Variants in GLRA1 observed in about 807,000 individuals in gnomAD.
The protein encoded by GLRA1 is glycine receptor alpha 1.
In GLRA1, 37 loss-of-function variants were observed where a neutral mutation model predicts 48.3. The ratio of observed to expected loss-of-function variants is 0.77; its 90% CI spans 0.59 to 1.01. GLRA1 has a LOEUF of 1.01. GLRA1 is among the 50% of genes least tolerant of loss of function. The pLI, the probability that GLRA1 is intolerant of heterozygous loss-of-function variation, is 0.00. For synonymous variants in GLRA1, 196 were observed against 210.7 expected, an observed-to-expected ratio of 0.93 and a Z score of 0.60; for missense variants, 427 against 571.0, an observed-to-expected ratio of 0.75 and a Z score of 2.57.
At chr5:151,848,223 C>T (rs898474861) in intron 7 of GLRA1, among the ~76,000 whole-genome samples, 1 of 152,202 alleles carries the variant, frequency 6.6e-6, no homozygotes, top group Admixed American at 6.5e-5. Flanking sequence ...ATTGTACAAA[C>T]AATCTGGTTC....
intron 1 of GLRA1, among the ~76,000 whole-genome samples, chr5:151,924,175 A>G (rs1479818270): frequency 1.3e-5 from 2 of 152,136 alleles, no homozygotes; most frequent in African/African-American, 2.4e-5. Context: ...GTGAAAGCCA[A>G]CATGCAGTGG....
chr5:151,897,706 A>C (rs1754257012), intron 1 of GLRA1, among the ~76,000 whole-genome samples: 1 of 152,198 alleles, frequency 6.6e-6, no homozygotes, highest in South Asian at 2.1e-4. Context: ...AGGACTATTT[A>C]GACACTCTTG....
chr5:151,906,489 T>C (rs538651084), intron 1 of GLRA1, among the ~76,000 whole-genome samples: 12 of 152,196 alleles, frequency 7.9e-5, no homozygotes, highest in African/African-American at 2.9e-4. Flanking sequence ...AAGGGAACAA[T>C]TGGGCTGGTA....
At chr5:151,848,785 C>G (rs1456032831) in intron 7 of GLRA1, 1 of 335,224 alleles carries the variant, frequency 3.0e-6, no homozygotes, top group South Asian at 4.4e-5. Context: ...AGTGTGTGAG[C>G]AGCACGGCGG....
chr5:151,828,281 T>A (rs1486889064), intron 8 of GLRA1, among the ~76,000 whole-genome samples: 1 of 152,198 alleles, frequency 6.6e-6, no homozygotes, highest in Non-Finnish European at 1.5e-5. Flanking sequence ...GGGAACTAGT[T>A]ATGGACCCAC....
At chr5:151,828,803 C>T in intron 8 of GLRA1, 118 bp downstream of exon 8, 9 of 1,070,664 alleles carry the variant, frequency 8.4e-6, no homozygotes, top group Non-Finnish European at 1.2e-5. Context: ...CTATTTCTAA[C>T]CTGCCTTGCA....
At chr5:151,892,173 A>G in intron 2 of GLRA1, 138 bp downstream of exon 2, 1 of 826,054 alleles carries the variant, frequency 1.2e-6, no homozygotes, top group Non-Finnish European at 2.0e-6. Flanking sequence ...GAATTGATTA[A>G]GAATGTCTGC....
At chr5:151,860,927 C>T (rs1341217312) in intron 3 of GLRA1, among the ~76,000 whole-genome samples, 1 of 152,140 alleles carries the variant, frequency 6.6e-6, no homozygotes, top group Non-Finnish European at 1.5e-5. Flanking sequence ...CTTTCTGTGT[C>T]CAAGTGTTCT....
At chr5:151,913,334 C>T (rs985326570) in intron 1 of GLRA1, among the ~76,000 whole-genome samples, 2 of 152,054 alleles carry the variant, frequency 1.3e-5, no homozygotes, top group East Asian at 3.9e-4. Context: ...GTCTTTTACA[C>T]CAGAGTGAGG....
At chr5:151,906,046 A>C (rs1001315746) in intron 1 of GLRA1, among the ~76,000 whole-genome samples, 3 of 152,164 alleles carry the variant, frequency 2.0e-5, no homozygotes, top group South Asian at 2.1e-4. Flanking sequence ...GGTGGACTCA[A>C]ATCTGATTCT....
intron 3 of GLRA1, among the ~76,000 whole-genome samples, chr5:151,870,595 G>A (rs1753451937): frequency 6.7e-6 from 1 of 149,782 alleles, no homozygotes; most frequent in Non-Finnish European, 1.5e-5. Context: ...GGACTGTTTT[G>A]TAAACATATG....
chr5:151,845,896 G>C (rs1362161898), intron 7 of GLRA1, among the ~76,000 whole-genome samples: 1 of 152,208 alleles, frequency 6.6e-6, no homozygotes, highest in Non-Finnish European at 1.5e-5. Flanking sequence ...ATGAAGTACT[G>C]ATGCATTCTA....
intron 4 of GLRA1, among the ~76,000 whole-genome samples, chr5:151,857,815 C>T (rs1741494222): frequency 6.6e-6 from 1 of 152,204 alleles, no homozygotes; most frequent in Admixed American, 6.5e-5. Context: ...ATCTGAGTGC[C>T]TGCTGCAGGG....
intron 8 of GLRA1, among the ~76,000 whole-genome samples, chr5:151,827,155 C>A (rs1469225371): frequency 6.7e-6 from 1 of 149,370 alleles, no homozygotes; most frequent in African/African-American, 2.5e-5. Context: ...GCCATCATGC[C>A]AGTTGCTTAA....
intron 7 of GLRA1, among the ~76,000 whole-genome samples, chr5:151,833,828 A>C (rs1181063850): frequency 2.1e-5 from 3 of 139,948 alleles, no homozygotes. Flanking sequence ...AGGGGTTGCA[A>C]TCCTAGTTTC....
At chr5:151,907,768 G>A (rs191834775) in intron 1 of GLRA1, among the ~76,000 whole-genome samples, 24 of 152,356 alleles carry the variant, frequency 1.6e-4, no homozygotes, top group Admixed American at 1.5e-3. Flanking sequence ...TTGGATTGCA[G>A]CCCCTGGGCA....
rs1391295984 is a variant in GLRA1, at chr5:151,854,937, G to A, written c.697+103C>T. The A allele has an allele frequency of 4.7e-6, 6 of 1,278,094 alleles. No homozygotes were observed. The African/African-American group carries it at 8.8e-5, about 19-fold the overall frequency. The allele number at this position is 1,278,094 out of a possible 1,614,324, so 79.2% of individuals were successfully genotyped here. Reference sequence around the variant, plus strand: ...CAAAACCTATTCTCTTAACCACTAGGTAATCTTCATAAGATCTGTTGGATC... The same window carrying A: ...CAAAACCTATTCTCTTAACCACTAGATAATCTTCATAAGATCTGTTGGATC... On this transcript the variant is annotated intron_variant, in intron 6 of 8. Transcript: ENST00000274576.
chr5:151,850,396 A>G, intron 7 of GLRA1: 4 of 1,258,122 alleles, frequency 3.2e-6, no homozygotes, highest in Non-Finnish European at 3.5e-6. Flanking sequence ...TTTGATCCCA[A>G]GCCCATTCCT....
At chr5:151,865,646 CAAGTT>C (rs886177783) in intron 3 of GLRA1, among the ~76,000 whole-genome samples, 5 of 152,220 alleles carry the variant, frequency 3.3e-5, no homozygotes, top group African/African-American at 1.2e-4. Flanking sequence ...AGAAGCAATG[CAAGTT>C]GTCAGTAAAA....
Sources: gnomAD v4.1 joint callset for allele counts (sites outside exome capture counted in the v4.1 genomes callset) on GRCh38, gnomAD v4.1.1 for gene constraint, MANE v1.5 for transcripts, NCBI Gene and HGNC (gene_info 2026-07-23, HGNC 2026-07-21) for gene names.